Variants in LEMD2 observed in about 807,000 individuals in gnomAD.
LEMD2 encodes LEM domain-containing protein 2.
A neutral mutation model predicts 58.8 loss-of-function variants in LEMD2; 34 were observed. That is an observed-to-expected ratio of 0.58 (90% CI 0.44 to 0.77). LEMD2 has a LOEUF of 0.77. Ranked by LOEUF, LEMD2 falls within the 30% of genes least tolerant of loss-of-function variation. The probability of loss-of-function intolerance (pLI) is 0.00; values close to 1 mark genes in which losing one functional copy is unlikely to be tolerated. For synonymous variants in LEMD2, 298 were observed against 308.9 expected (o/e 0.96, Z 0.37); for missense variants, 629 against 717.9 (o/e 0.88, Z 1.42).
rs187641289 is a variant in LEMD2, at chr6:33,777,381, A to G, written c.1157-142T>C. 227 of 700,150 alleles carry G rather than the reference A, an allele frequency of 3.2e-4. 1 individual carries two copies. The East Asian group carries it at 5.4e-3, about 17-fold the overall frequency. 43.4% of individuals were successfully genotyped at this position (700,150 alleles called of 1,614,324 possible). On this transcript the variant is annotated intron_variant, in intron 6 of 8. Transcript: ENST00000293760. Reference sequence around the variant, plus strand: ...ACTATGTGTCAGGCTCAGGGCCAGCATGCGAGAAACAAAAGATACAGAAAT... The same window carrying G: ...ACTATGTGTCAGGCTCAGGGCCAGCGTGCGAGAAACAAAAGATACAGAAAT...
At position 33,777,204 on chromosome 6, in the gene LEMD2, T is replaced by G; in HGVS notation, c.1192A>C (p.Lys398Gln). 1 of 1,614,078 alleles carries G rather than the reference T, an allele frequency of 6.2e-7. No homozygotes were observed. The highest frequency in any genetic ancestry group is 8.5e-7 in the Non-Finnish European group (1 of 1,179,992). Reference protein sequence around the residue: ...AFLWGLLILLKYRWRKLEEEE... With the variant: ...AFLWGLLILLQYRWRKLEEEE... ...TCTTCTAACTTTCGCCACCGATATT[T>G]TAGGAGAATTAGGAGCCCCCACAAA... Residue 398 changes from lysine to glutamine, a missense_variant, in exon 7 of 9, where the codon AAA becomes CAA. Coordinates refer to ENST00000293760, the MANE Select transcript of LEMD2 (RefSeq NM_181336.4).
At chr6:33,776,382 G>A (rs1235340354) in intron 8 of LEMD2, among the ~76,000 whole-genome samples, 4 of 152,154 alleles carry the variant, frequency 2.6e-5, no homozygotes, top group Non-Finnish European at 5.9e-5. Context: ...TGTCACTGGA[G>A]GCTACTGGGA....
chr6:33,782,409 G>A (rs977204264), intron 3 of LEMD2, among the ~76,000 whole-genome samples: 4 of 152,166 alleles, frequency 2.6e-5, no homozygotes, highest in Admixed American at 2.0e-4. Flanking sequence ...GGCATCCAAG[G>A]CCATCTATGG....
intron 7 of LEMD2, 38 bp downstream of exon 7, chr6:33,777,100 G>A: frequency 6.2e-7 from 1 of 1,609,774 alleles, no homozygotes; most frequent in Non-Finnish European, 8.5e-7. Context: ...CCCTCTGGCT[G>A]GCGTCGGCAA....
Position 33,772,625 on chromosome 6 carries a change from G to T in LEMD2, c.*3C>A. 6.2e-7 allele frequency: 1 copy of T among 1,612,962 alleles called. No individual in the cohort carries two copies. The highest frequency in any genetic ancestry group is 8.5e-7 in the Non-Finnish European group (1 of 1,179,444). On this transcript the variant is annotated 3_prime_UTR_variant, in exon 9 of 9. Transcript: ENST00000293760. ...TGACCGGGAACAAGTCCCCGCCCGGGGCTTATCGCTCTGAGTCAGAGAAGG... is the reference window on the plus strand; with the variant it reads ...TGACCGGGAACAAGTCCCCGCCCGGTGCTTATCGCTCTGAGTCAGAGAAGG...
intron 8 of LEMD2, among the ~76,000 whole-genome samples, chr6:33,774,465 T>C (rs1236437924): frequency 1.3e-5 from 2 of 149,058 alleles, no homozygotes; most frequent in South Asian, 2.1e-4. Flanking sequence ...GGTCTCGCTC[T>C]GTCACCCGGG....
Position 33,776,719 on chromosome 6 carries a change from G to C in LEMD2, c.1361+235C>G, listed in dbSNP as rs1934929120. The C allele has an allele frequency of 9.1e-6, 5 of 549,932 alleles. No homozygotes were observed. In the South Asian group the frequency reaches 1.0e-4, roughly 11 times the overall value. The allele number at this position is 549,932 out of a possible 1,614,324, so 34.1% of individuals were successfully genotyped here. ...CCTAACTGGTATCACCACTGCCAGTGTTCTCTCTACAGAGGTGTGGGATTG... is the reference window on the plus strand; with the variant it reads ...CCTAACTGGTATCACCACTGCCAGTCTTCTCTCTACAGAGGTGTGGGATTG... On this transcript the variant is annotated intron_variant, in intron 8 of 8. Transcript: ENST00000293760.
chr6:33,785,514 A>G (rs904833165), intron 2 of LEMD2, among the ~76,000 whole-genome samples: 3 of 152,364 alleles, frequency 2.0e-5, no homozygotes, highest in Non-Finnish European at 2.9e-5. Flanking sequence ...CAGATCAGAG[A>G]AGGCCAGGGA....
At chr6:33,780,269 C>T (rs1316259153) in intron 4 of LEMD2, 90 bp from the exon 5 acceptor site, 5 of 1,146,400 alleles carry the variant, frequency 4.4e-6, no homozygotes, top group Admixed American at 2.0e-5. Flanking sequence ...AGCCCTCTCC[C>T]GTGTCCTCCA....
In LEMD2 at chr6:33,772,726, C is replaced by T. The variant is rs1656283498; in HGVS notation, c.1414G>A (p.Glu472Lys). 1.9e-6 allele frequency: 3 copies of T among 1,614,026 alleles called. No individual in the cohort carries two copies. The highest frequency in any genetic ancestry group is 1.7e-6 in the Non-Finnish European group (2 of 1,180,012). The change falls in exon 9 of 9, where the codon GAA becomes AAA. Residue 472 changes from glutamate to lysine, a missense_variant. Physicochemically the swap from Glu to Lys is moderately conservative, Grantham distance 56. Transcript: ENST00000293760. ...DRAVEFLASNESRIQTESHRV... is the reference protein window; with the variant it reads ...DRAVEFLASNKSRIQTESHRV... ...TGGGACTCCGTCTGGATCCGGGATT[C>T]GTTGGAGGCCAGGAACTCCACAGCT...
Position 33,788,494 on chromosome 6 carries a change from C to A in LEMD2, c.623G>T (p.Arg208Leu), listed in dbSNP as rs371944881. 1.4e-5 allele frequency: 22 copies of A among 1,544,438 alleles called. No homozygotes were observed. The African/African-American group carries it at 2.4e-4, about 17-fold the overall frequency. ...CCAGAGCAGAAGCCGAGAGAGCCAG[C>A]GCTCCAGCCGGCGCCCCACCTCAGG... The part of the protein sequence containing the change: ...ARPEVGRRLE[R>L]WLSRLLLWAS... Residue 208 changes from arginine to leucine, a missense_variant, in exon 1 of 9, where the codon CGC (arginine) becomes CTC (leucine). Arg to Leu is a moderately radical substitution (Grantham distance 102, BLOSUM62 -2). Around this residue, in one of 2 missense-constraint regions of LEMD2, gnomAD observed 386 missense variants for 381.1 expected, o/e 1.01. Coordinates refer to ENST00000293760, the MANE Select transcript of LEMD2 (RefSeq NM_181336.4).
chr6:33,772,923 C>A, intron 8 of LEMD2, 145 bp from the exon 9 acceptor site: 1 of 681,526 alleles, frequency 1.5e-6, no homozygotes, highest in Non-Finnish European at 2.5e-6. Flanking sequence ...AACATGACAA[C>A]TGCAGAGGAG....
chr6:33,772,632 C>A lies in LEMD2; in HGVS notation c.1508G>T (p.Arg503Leu). 1 of 1,613,288 alleles carries A rather than the reference C, an allele frequency of 6.2e-7. No homozygotes were observed. The highest frequency in any genetic ancestry group is 8.5e-7 in the Non-Finnish European group (1 of 1,179,616). Residue 503 changes from arginine to leucine, a missense_variant, in exon 9 of 9, where the codon CGA becomes CTA. Arg to Leu is a moderately radical substitution (Grantham distance 102). Transcript: ENST00000293760. The stretch of plus-strand genomic sequence containing the variant: ...GAACAAGTCCCCGCCCGGGGCTTAT[C>A]GCTCTGAGTCAGAGAAGGAAGAGGG... ...TKPSSFSDSE[R>L]
chr6:33,789,034 C>G lies in LEMD2; in HGVS notation c.83G>C (p.Arg28Pro). The G allele has an allele frequency of 6.4e-7, 1 of 1,557,728 alleles. No individual in the cohort carries two copies. The highest frequency in any genetic ancestry group is 1.2e-5 in the South Asian group (1 of 86,298). The change falls in exon 1 of 9, where the codon CGG becomes CCG. Residue 28 changes from arginine to proline, a missense_variant. Arg to Pro is a moderately radical substitution (Grantham distance 103). Coordinates refer to ENST00000293760, the MANE Select transcript of LEMD2 (RefSeq NM_181336.4). The part of the protein sequence containing the change: ...FQPGPITDTT[R>P]DVYRNKLRRL... Reference sequence around the variant, plus strand: ...GCGCAGCTTGTTGCGGTAGACATCCCGGGTGGTGTCGGTGATGGGTCCTGG... The same window carrying G: ...GCGCAGCTTGTTGCGGTAGACATCCGGGGTGGTGTCGGTGATGGGTCCTGG...
chr6:33,773,722 G>T (rs944616696), intron 8 of LEMD2, among the ~76,000 whole-genome samples: 1 of 152,194 alleles, frequency 6.6e-6, no homozygotes, highest in African/African-American at 2.4e-5. Context: ...GAGCTCCAAG[G>T]TGCTGGGTCC....
chr6:33,780,382 C>T (rs868760528), intron 4 of LEMD2: 7 of 594,512 alleles, frequency 1.2e-5, no homozygotes, highest in Middle Eastern at 2.6e-4. Flanking sequence ...GGAGGTGATG[C>T]GGAAGCACAA....
intron 2 of LEMD2, 50 bp from the exon 3 acceptor site, chr6:33,784,477 G>GCCCCCC: frequency 2.3e-6 from 1 of 430,806 alleles, no homozygotes; most frequent in East Asian, 7.6e-5. Flanking sequence ...GGTGGGAGGG[G>GCCCCCC]TCCGTCTGTC....
intron 1 of LEMD2, chr6:33,787,040 T>G (rs4713681): frequency 8.9e-6 from 5 of 562,198 alleles, no homozygotes; most frequent in African/African-American, 1.9e-5. Flanking sequence ...TCAACCACTC[T>G]GAACCTCTGT....
chr6:33,787,559 C>T (rs1019762175), intron 1 of LEMD2, among the ~76,000 whole-genome samples: 1 of 152,228 alleles, frequency 6.6e-6, no homozygotes, highest in South Asian at 2.1e-4. Flanking sequence ...CACATTCGTG[C>T]TTTGTAAAGA....
Sources: gnomAD v4.1 joint callset for allele counts (sites outside exome capture counted in the v4.1 genomes callset) on GRCh38, gnomAD v4.1.1 for gene constraint, gnomAD v4.1.1 regional missense constraint, MANE v1.5 for transcripts, NCBI Gene and HGNC (gene_info 2026-07-23, HGNC 2026-07-21) for gene names.